The following KCNH7 variants were observed in gnomAD, a reference collection of about 807,000 sequenced individuals.
KCNH7 encodes the protein voltage-gated inwardly rectifying potassium channel KCNH7.
Under a neutral mutation model 120.8 loss-of-function variants are expected in KCNH7, and 49 were observed. That is an observed-to-expected ratio of 0.41 (90% confidence interval 0.32 to 0.51). KCNH7 has a LOEUF of 0.51. Among genes scored for constraint, KCNH7 ranks in the 20% least tolerant of loss-of-function variants. The probability of loss-of-function intolerance (pLI) is 0.38; values close to 1 mark genes in which losing one functional copy is unlikely to be tolerated. For synonymous variants in KCNH7, 547 were observed against 516.1 expected, an observed-to-expected ratio of 1.06 and a Z score of -0.81; for missense variants, 1,097 against 1,446.6, an observed-to-expected ratio of 0.76 and a Z score of 3.92.
chr2:162,704,500 T>A lies in KCNH7; in HGVS notation c.307+132037A>T, dbSNP rs867412529. Reference sequence around the variant, plus strand: ...CATCTGTTTTATGAGTTTTATGCTTTGGTTCAAGGTGAAACTAAGTGCTAA... The same window carrying A: ...CATCTGTTTTATGAGTTTTATGCTTAGGTTCAAGGTGAAACTAAGTGCTAA... On this transcript the variant is annotated intron_variant, in intron 2 of 15. Coordinates refer to ENST00000332142, the MANE Select transcript of KCNH7 (RefSeq NM_033272.4). Among the ~76,000 whole-genome samples the A allele has an allele frequency of 2.0e-5, 3 of 152,238 alleles. No homozygotes were observed. The South Asian group carries it at 6.2e-4, about 31-fold the overall frequency.
Position 162,721,577 on chromosome 2 carries a change from A to G in KCNH7, c.307+114960T>C, listed in dbSNP as rs372946387. On this transcript the variant is annotated intron_variant, in intron 2 of 15. Transcript: ENST00000332142. ...TACGGAAGGTGAGAAAAATTGTGTA[A>G]TACATGCATGGTTATGCTTGGATTA... Among the ~76,000 whole-genome samples the G allele has an allele frequency of 8.5e-5, 13 of 152,232 alleles. No individual in the cohort carries two copies. The East Asian group carries it at 2.3e-3, about 27-fold the overall frequency.
intron 2 of KCNH7, among the ~76,000 whole-genome samples, chr2:162,650,353 A>T (rs1684523977): frequency 6.6e-6 from 1 of 152,146 alleles, no homozygotes; most frequent in Non-Finnish European, 1.5e-5. Context: ...TGAGCCAAAA[A>T]CTTATGATTT....
At chr2:162,767,422 C>T (rs305686) in intron 2 of KCNH7, among the ~76,000 whole-genome samples, 61,831 of 151,880 alleles carry the variant, frequency 0.41, 12,985 homozygotes, top group African/African-American at 0.51. Flanking sequence ...AATATAATCA[C>T]ACATATTTTT....
chr2:162,484,477 GC>G (rs971846058), intron 6 of KCNH7, among the ~76,000 whole-genome samples: 21 of 152,140 alleles, frequency 1.4e-4, no homozygotes, highest in African/African-American at 4.8e-4. Context: ...CTCCAAAATT[GC>G]TACAATAATA....
At chr2:162,726,209 A>G (rs1687512211) in intron 2 of KCNH7, among the ~76,000 whole-genome samples, 1 of 152,002 alleles carries the variant, frequency 6.6e-6, no homozygotes, top group South Asian at 2.1e-4. Context: ...AGTATTTTAA[A>G]CTGGGTCATT....
intron 2 of KCNH7, among the ~76,000 whole-genome samples, chr2:162,814,601 T>C (rs1684853255): frequency 1.3e-5 from 2 of 152,346 alleles, no homozygotes; most frequent in South Asian, 2.1e-4. Flanking sequence ...ACTTCTGCCT[T>C]TGTTACAGAG....
chr2:162,488,633 T>C (rs74511720), intron 6 of KCNH7, among the ~76,000 whole-genome samples: 4,637 of 152,286 alleles, frequency 0.03, 152 homozygotes, highest in South Asian at 0.098. Flanking sequence ...AAACTCATTT[T>C]ACAATCCTAC....
chr2:162,582,023 A>G (rs966674521), intron 2 of KCNH7, among the ~76,000 whole-genome samples: 3 of 152,120 alleles, frequency 2.0e-5, no homozygotes, highest in Admixed American at 6.6e-5. Flanking sequence ...AGCACAAGCC[A>G]GCTTGCAAAG....
At chr2:162,602,913 GA>G (rs1277034978) in intron 2 of KCNH7, among the ~76,000 whole-genome samples, 1 of 150,424 alleles carries the variant, frequency 6.6e-6, no homozygotes. Flanking sequence ...GGAGGAGGAG[GA>G]GGGTGAGGAG....
At chr2:162,730,430 A>C (rs1687684692) in intron 2 of KCNH7, among the ~76,000 whole-genome samples, 1 of 151,820 alleles carries the variant, frequency 6.6e-6, no homozygotes, top group Non-Finnish European at 1.5e-5. Context: ...AAATAGTATT[A>C]GAAGTGAAAG....
intron 2 of KCNH7, among the ~76,000 whole-genome samples, chr2:162,698,874 G>T (rs919895069): frequency 6.6e-6 from 1 of 151,986 alleles, no homozygotes; most frequent in Non-Finnish European, 1.5e-5. Context: ...ATGTTTTGTG[G>T]CAGAGTAGAT....
intron 6 of KCNH7, among the ~76,000 whole-genome samples, chr2:162,460,455 G>A (rs1689109622): frequency 1.3e-5 from 2 of 152,122 alleles, no homozygotes; most frequent in Admixed American, 1.3e-4. Flanking sequence ...TAATATGGAG[G>A]ATGAAATTAG....
intron 3 of KCNH7, among the ~76,000 whole-genome samples, chr2:162,526,509 A>G (rs1442405719): frequency 6.6e-6 from 1 of 151,914 alleles, no homozygotes; most frequent in Non-Finnish European, 1.5e-5. Context: ...GCCATTTCAG[A>G]GGCCTACACT....
chr2:162,552,363 C>A (rs182514119), intron 2 of KCNH7, among the ~76,000 whole-genome samples: 1 of 152,042 alleles, frequency 6.6e-6, no homozygotes, highest in Admixed American at 6.5e-5. Flanking sequence ...TGAGTGACAG[C>A]TCAATTGGAT....
Position 162,786,025 on chromosome 2 carries a change from A to T in KCNH7, c.307+50512T>A, listed in dbSNP as rs142751999. 6.5e-3 allele frequency among the ~76,000 whole-genome samples: 996 copies of T among 152,148 alleles called. 8 individuals carry two copies. Among genetic ancestry groups the T allele is most frequent in the African/African-American group, 0.022 (920 of 41,536 alleles). On this transcript the variant is annotated intron_variant, in intron 2 of 15. Coordinates refer to ENST00000332142, the MANE Select transcript of KCNH7 (RefSeq NM_033272.4). ...TGGGAGGCCAAGCTGGGCAGATCAC[A>T]AGGTTAGCAGTTCAAGACCAGCCTG...
intron 2 of KCNH7, among the ~76,000 whole-genome samples, chr2:162,622,318 G>C (rs1683392775): frequency 6.6e-6 from 1 of 152,150 alleles, no homozygotes; most frequent in East Asian, 1.9e-4. Flanking sequence ...CGAGCAGTGA[G>C]GGAAAAGGAA....
intron 2 of KCNH7, among the ~76,000 whole-genome samples, chr2:162,713,765 TCAAA>T (rs1000792198): frequency 6.6e-6 from 1 of 152,230 alleles, no homozygotes; most frequent in Non-Finnish European, 1.5e-5. Context: ...TTTTGTTTTT[TCAAA>T]CAGAGTTTTG....
intron 2 of KCNH7, among the ~76,000 whole-genome samples, chr2:162,619,388 T>G (rs1228486690): frequency 2.0e-5 from 3 of 151,862 alleles, no homozygotes; most frequent in Non-Finnish European, 2.9e-5. Flanking sequence ...TAAGATGTAG[T>G]TACATCTTTT....
intron 7 of KCNH7, among the ~76,000 whole-genome samples, chr2:162,440,010 G>C (rs1443038862): frequency 6.6e-6 from 1 of 151,566 alleles, no homozygotes; most frequent in Non-Finnish European, 1.5e-5. Context: ...GTAACTTCTT[G>C]TCAGTATTAA....
Sources: gnomAD v4.1 joint callset for allele counts (sites outside exome capture counted in the v4.1 genomes callset) on GRCh38, gnomAD v4.1.1 for gene constraint, MANE v1.5 for transcripts, NCBI Gene and HGNC (gene_info 2026-07-23, HGNC 2026-07-21) for gene names.